The following TIAM2 variants were observed in gnomAD, a reference collection of about 807,000 sequenced individuals.
The protein encoded by TIAM2 is rho guanine nucleotide exchange factor TIAM2.
A neutral mutation model predicts 152.9 loss-of-function variants in TIAM2; 80 were observed. That is an observed-to-expected ratio of 0.52 (90% CI 0.44 to 0.63). TIAM2 has a LOEUF of 0.63. TIAM2 is among the 30% of genes least tolerant of loss of function. TIAM2 has a pLI of 0.00. For synonymous variants in TIAM2, 804 were observed against 838.0 expected, an observed-to-expected ratio of 0.96 and a Z score of 0.70; for missense variants, 1,965 against 2,120.1, an observed-to-expected ratio of 0.93 and a Z score of 1.44.
chr6:155,126,319 G>A lies in TIAM2; in HGVS notation c.-117-1171G>A, dbSNP rs766484815. On this transcript the variant is annotated intron_variant, in intron 2 of 26. Coordinates refer to ENST00000682666, the MANE Select transcript of TIAM2 (RefSeq NM_012454.4). The stretch of plus-strand genomic sequence containing the variant: ...GACAGTTGCCAGGGGCTGTGGGACC[G>A]GGGAATTGCTGTTTAATGGGTGCAG... Among the ~76,000 whole-genome samples the A allele has an allele frequency of 2.6e-5, 4 of 152,186 alleles. No individual in the cohort carries two copies. In the East Asian group the frequency reaches 5.8e-4, roughly 22 times the overall value.
intron 1 of TIAM2, among the ~76,000 whole-genome samples, chr6:155,044,735 C>T (rs2114911752): frequency 6.6e-6 from 1 of 151,928 alleles, no homozygotes; most frequent in East Asian, 2.0e-4. Context: ...TTGTTTGAAC[C>T]CGGGAGGCAG....
chr6:155,242,576 A>G (rs944806726), intron 16 of TIAM2, among the ~76,000 whole-genome samples: 1 of 152,204 alleles, frequency 6.6e-6, no homozygotes. Flanking sequence ...TTTGGGCTTT[A>G]TAAAGCTCTG....
intron 7 of TIAM2, among the ~76,000 whole-genome samples, chr6:155,150,467 A>G (rs1210436280): frequency 6.6e-6 from 1 of 152,110 alleles, no homozygotes; most frequent in Non-Finnish European, 1.5e-5. Flanking sequence ...TCCAGGCTGG[A>G]AGGGTGTTGG....
chr6:155,248,320 C>G, intron 20 of TIAM2, 141 bp downstream of exon 20: 1 of 994,548 alleles, frequency 1.0e-6, no homozygotes, highest in Non-Finnish European at 1.4e-6. Context: ...GATGGTTAAT[C>G]TTAGGTTTCA....
intron 1 of TIAM2, among the ~76,000 whole-genome samples, chr6:155,017,144 T>G (rs1363897597): frequency 6.6e-6 from 1 of 152,110 alleles, no homozygotes; most frequent in Non-Finnish European, 1.5e-5. Flanking sequence ...TCGGTGATAT[T>G]GAAAGGCAGT....
At chr6:155,226,697 G>T (rs1782261265) in intron 15 of TIAM2, among the ~76,000 whole-genome samples, 1 of 152,100 alleles carries the variant, frequency 6.6e-6, no homozygotes, top group African/African-American at 2.4e-5. Flanking sequence ...AAGAAAAAAA[G>T]ATTGCAGATG....
intron 25 of TIAM2, 70 bp from the exon 26 acceptor site, chr6:155,254,349 G>T: frequency 6.4e-7 from 1 of 1,566,098 alleles, no homozygotes; most frequent in Non-Finnish European, 8.7e-7. Flanking sequence ...CAGGAACACA[G>T]GCGGGCGTGG....
chr6:155,034,813 A>G (rs571062222), intron 1 of TIAM2, among the ~76,000 whole-genome samples: 2 of 152,292 alleles, frequency 1.3e-5, no homozygotes, highest in African/African-American at 2.4e-5. Flanking sequence ...TCCTGGTCTT[A>G]ATAGAATGCA....
At chr6:155,095,950 T>C (rs1450688750) in intron 2 of TIAM2, among the ~76,000 whole-genome samples, 1 of 152,206 alleles carries the variant, frequency 6.6e-6, no homozygotes, top group Non-Finnish European at 1.5e-5. Context: ...TACAAGCATA[T>C]TTCCTGAAGG....
At chr6:155,177,548 A>G (rs1293568415) in intron 10 of TIAM2, among the ~76,000 whole-genome samples, 1 of 152,228 alleles carries the variant, frequency 6.6e-6, no homozygotes, top group Non-Finnish European at 1.5e-5. Context: ...AGAAGCTTTT[A>G]GACCACCAGG....
At chr6:155,104,040 A>ACCCC (rs774902405) in intron 2 of TIAM2, among the ~76,000 whole-genome samples, 1 of 57,730 alleles carries the variant, frequency 1.7e-5, no homozygotes, top group Non-Finnish European at 3.2e-5. Context: ...ACACACACAC[A>ACCCC]CCCCCCCCCC....
intron 1 of TIAM2, among the ~76,000 whole-genome samples, chr6:155,008,602 T>G (rs888750903): frequency 1.3e-5 from 2 of 152,214 alleles, no homozygotes; most frequent in African/African-American, 2.4e-5. Context: ...ATAATTTTTT[T>G]TTTTTTAACC....
Position 155,137,457 on chromosome 6 carries a change from C to T in TIAM2, c.1475C>T (p.Ser492Phe), listed in dbSNP as rs775749887. ...GAGTCCAGCAGCGAGTCACTCAGCT[C>T]TCTGGAACAGCTGGATCTGCTCTTT... The part of the protein sequence containing the change: ...TAESSSESLS[S>F]LEQLDLLFEK... Residue 492 changes from serine (S) to phenylalanine (F), a missense_variant, in exon 5 of 27, where the codon TCT (serine) becomes TTT (phenylalanine). Physicochemically the swap from Ser to Phe is radical, Grantham distance 155. Around this residue, in one of 3 missense-constraint regions of TIAM2, gnomAD observed 1,025 missense variants for 1,119.4 expected, o/e 0.92. Transcript: ENST00000682666. 1.9e-6 allele frequency: 3 copies of T among 1,614,126 alleles called. No individual in the cohort carries two copies. The Admixed American group carries it at 5.0e-5, about 27-fold the overall frequency.
At chr6:155,008,343 C>T (rs75020316) in intron 1 of TIAM2, among the ~76,000 whole-genome samples, 399 of 152,270 alleles carry the variant, frequency 2.6e-3, no homozygotes, top group African/African-American at 9.0e-3. Flanking sequence ...GTATATATTA[C>T]GCAGAAAGTC....
chr6:155,097,505 C>A (rs1778441572), intron 2 of TIAM2, among the ~76,000 whole-genome samples: 1 of 152,088 alleles, frequency 6.6e-6, no homozygotes, highest in African/African-American at 2.4e-5. Context: ...TCATAGCTAG[C>A]CACTTTTTAA....
intron 14 of TIAM2, among the ~76,000 whole-genome samples, chr6:155,185,090 T>C (rs1442474957): frequency 1.3e-5 from 2 of 151,740 alleles, no homozygotes; most frequent in Non-Finnish European, 2.9e-5. Context: ...GGGAATGAAT[T>C]CCTGTAGAAA....
In TIAM2 at chr6:155,186,337, T is replaced by C. The variant is rs1208443786; in HGVS notation, c.3064+2837T>C. Among the ~76,000 whole-genome samples, 1 of 152,154 alleles carries C rather than the reference T, an allele frequency of 6.6e-6. No homozygotes were observed. The highest frequency in any genetic ancestry group is 1.9e-4 in the East Asian group (1 of 5,190). On this transcript the variant is annotated intron_variant, in intron 14 of 26. Coordinates refer to ENST00000682666, the MANE Select transcript of TIAM2 (RefSeq NM_012454.4). The surrounding 1 kb of genome is among the most constrained non-coding windows in gnomAD (Gnocchi z 4.5). ...GGTTCTGAGGTGCAGTCTACACAGC[T>C]CTGCAGATGGGCCCTGGAATGAGCC...
intron 1 of TIAM2, among the ~76,000 whole-genome samples, chr6:155,059,614 C>A (rs1427588626): frequency 1.3e-5 from 2 of 152,070 alleles, no homozygotes; most frequent in Non-Finnish European, 2.9e-5. Context: ...CCACACCCAG[C>A]CTCTATTTGT....
In TIAM2 at chr6:155,256,900, C is replaced by CG. The variant is rs775681893; in HGVS notation, c.4890dup (p.His1631AlafsTer6). On this transcript the variant is annotated frameshift_variant, in exon 27 of 27. Transcript: ENST00000682666. LOFTEE classifies it high-confidence loss of function. ...AGGAGGAGAGCAGCCCAAACTGGTCCGGGGGCACTTCTGCCCCATTAAACG... is the reference window on the plus strand; with the variant it reads ...AGGAGGAGAGCAGCCCAAACTGGTCCGGGGGGCACTTCTGCCCCATTAAACG... 24 of 1,614,020 alleles carry CG rather than the reference C, an allele frequency of 1.5e-5. No homozygotes were observed. The South Asian group carries it at 1.6e-4, about 11-fold the overall frequency.
Sources: allele counts gnomAD v4.1 joint callset (sites outside exome capture counted in the v4.1 genomes callset), GRCh38; gene constraint gnomAD v4.1.1; regional missense constraint gnomAD v4.1.1; non-coding constraint Gnocchi (gnomAD v3.1); transcripts MANE v1.5; gene names NCBI Gene and HGNC (gene_info 2026-07-23, HGNC 2026-07-21).